Variants in RBFOX1 observed in about 807,000 individuals in gnomAD.
RBFOX1 encodes RNA binding protein fox-1 homolog 1.
A neutral mutation model predicts 57.7 loss-of-function variants in RBFOX1; 8 were observed. The observed-to-expected ratio is 0.14, with a 90% confidence interval of 0.08 to 0.25. The LOEUF (loss-of-function observed/expected upper bound fraction) is 0.25, where lower values mean the gene tolerates loss of function less well. Among genes scored for constraint, RBFOX1 ranks in the 10% least tolerant of loss-of-function variants. The probability of loss-of-function intolerance (pLI) is 1.00; values close to 1 mark genes in which losing one functional copy is unlikely to be tolerated. For synonymous variants in RBFOX1, 326 were observed against 222.4 expected, an observed-to-expected ratio of 1.47 and a Z score of -4.15; for missense variants, 611 against 548.5, an observed-to-expected ratio of 1.11 and a Z score of -1.14.
At chr16:6,903,186 A>G (rs984771859) in intron 3 of RBFOX1, among the ~76,000 whole-genome samples, 11 of 152,164 alleles carry the variant, frequency 7.2e-5, no homozygotes, top group African/African-American at 2.7e-4. Flanking sequence ...CAGGACAGCC[A>G]TATACAAAGA....
rs1172042430 is a variant in RBFOX1 at position 6,081,611 on chromosome 16, C to G, written c.-127+61619C>G. ...TTCTTAACCATTACAAAGAGCTTCC[C>G]GTGAGGTTGAACCTGGGGTTCCTAG... is the stretch of plus-strand genomic sequence containing the variant. On this transcript the variant is annotated intron_variant, in intron 1 of 15. Transcript: ENST00000550418. Among the ~76,000 whole-genome samples, 5 of 152,124 alleles carry G rather than the reference C, an allele frequency of 3.3e-5. No homozygotes were observed. The South Asian group carries it at 6.2e-4, about 19-fold the overall frequency.
chr16:6,892,785 T>C (rs1476357507), intron 3 of RBFOX1, among the ~76,000 whole-genome samples: 6 of 52,356 alleles, frequency 1.1e-4, no homozygotes, highest in African/African-American at 3.5e-4. Flanking sequence ...CCTCTCTCTC[T>C]CTCTCTCTCT....
chr16:7,242,881 T>C (rs916355555), intron 4 of RBFOX1, among the ~76,000 whole-genome samples: 35 of 152,068 alleles, frequency 2.3e-4, no homozygotes, highest in African/African-American at 6.5e-4. Flanking sequence ...CTGCGGACAG[T>C]TTGCAAGCAG....
intron 2 of RBFOX1, among the ~76,000 whole-genome samples, chr16:6,407,756 T>C (rs540754073): frequency 2.0e-5 from 3 of 152,196 alleles, no homozygotes; most frequent in Non-Finnish European, 4.4e-5. Context: ...AGTATAAATC[T>C]TATCCCAGCA....
At chr16:6,136,166 A>G (rs923386767) in intron 1 of RBFOX1, among the ~76,000 whole-genome samples, 2 of 152,082 alleles carry the variant, frequency 1.3e-5, no homozygotes, top group Admixed American at 6.6e-5. Flanking sequence ...GATAACACCT[A>G]TTAGAGGAAG....
At chr16:7,123,840 G>A (rs566425748) in intron 4 of RBFOX1, among the ~76,000 whole-genome samples, 13 of 152,216 alleles carry the variant, frequency 8.5e-5, no homozygotes, top group African/African-American at 2.6e-4. Context: ...GGTTTTGCAC[G>A]AGGGTGGGGC....
chr16:5,980,979 G>T (rs990969311), intron 4 of RBFOX1, among the ~76,000 whole-genome samples: 1 of 152,098 alleles, frequency 6.6e-6, no homozygotes, highest in African/African-American at 2.4e-5. Flanking sequence ...GTCAGAGTGC[G>T]ATCTGCAGAC....
chr16:6,992,274 C>G (rs1430454606), intron 3 of RBFOX1, among the ~76,000 whole-genome samples: 1 of 151,860 alleles, frequency 6.6e-6, no homozygotes, highest in Non-Finnish European at 1.5e-5. Context: ...AGGGATTTTC[C>G]TGGTGCAATC....
intron 3 of RBFOX1, among the ~76,000 whole-genome samples, chr16:7,017,430 G>A (rs1470813569): frequency 6.6e-6 from 1 of 152,072 alleles, no homozygotes; most frequent in African/African-American, 2.4e-5. Flanking sequence ...GATAAATCTT[G>A]GCCCCAAACC....
chr16:7,703,312 T>G (rs1009352029), intron 14 of RBFOX1, among the ~76,000 whole-genome samples: 2 of 152,208 alleles, frequency 1.3e-5, no homozygotes, highest in African/African-American at 2.4e-5. Context: ...AGCCCTTCTC[T>G]GTGTTGGGAG....
chr16:7,701,952 C>T (rs1373677983), intron 14 of RBFOX1, among the ~76,000 whole-genome samples: 1 of 152,164 alleles, frequency 6.6e-6, no homozygotes, highest in Non-Finnish European at 1.5e-5. Context: ...GCCTGAGGTT[C>T]TGGAAACCCT....
intron 13 of RBFOX1, among the ~76,000 whole-genome samples, chr16:7,665,573 C>G (rs1415955808): frequency 6.6e-6 from 1 of 152,034 alleles, no homozygotes; most frequent in African/African-American, 2.4e-5. Flanking sequence ...AATAGTAACA[C>G]TTTAAGTTTA....
chr16:6,756,907 G>A (rs1425246457), intron 3 of RBFOX1, among the ~76,000 whole-genome samples: 1 of 152,080 alleles, frequency 6.6e-6, no homozygotes, highest in Admixed American at 6.6e-5. Context: ...CCGAGGGGAT[G>A]GAGGTTGCAG....
intron 4 of RBFOX1, among the ~76,000 whole-genome samples, chr16:7,067,446 C>CTT (rs780323330): frequency 9.7e-4 from 138 of 141,746 alleles, no homozygotes; most frequent in African/African-American, 3.4e-3. Context: ...GGAGAGAATC[C>CTT]TTTTTTTTTT....
chr16:5,317,982 ATGC>A (rs1234601240), intron 1 of RBFOX1, among the ~76,000 whole-genome samples: 1 of 152,098 alleles, frequency 6.6e-6, no homozygotes, highest in East Asian at 1.9e-4. Context: ...CTGCCTCTAA[ATGC>A]TGCTGCTGAA....
chr16:7,135,920 TTG>T (rs2071807547), intron 4 of RBFOX1, among the ~76,000 whole-genome samples: 2 of 152,242 alleles, frequency 1.3e-5, no homozygotes, highest in African/African-American at 4.8e-5. Context: ...TTCATCTGCA[TTG>T]TCTTTGGAGT....
intron 2 of RBFOX1, among the ~76,000 whole-genome samples, chr16:5,585,338 G>C (rs762601773): frequency 2.0e-5 from 3 of 152,202 alleles, no homozygotes; most frequent in Non-Finnish European, 4.4e-5. Flanking sequence ...GAATGACTCA[G>C]TCCTTCTTTT....
chr16:7,309,388 A>G (rs1442147937), intron 4 of RBFOX1, among the ~76,000 whole-genome samples: 1 of 152,190 alleles, frequency 6.6e-6, no homozygotes, highest in African/African-American at 2.4e-5. Context: ...ACTTAATCCA[A>G]CAATCACTTC....
intron 2 of RBFOX1, among the ~76,000 whole-genome samples, chr16:6,641,338 C>A (rs991796985): frequency 6.6e-6 from 1 of 152,162 alleles, no homozygotes; most frequent in Non-Finnish European, 1.5e-5. Context: ...TTCACTCCCT[C>A]CCAACGCTGA....
Sources: allele counts gnomAD v4.1 joint callset (sites outside exome capture counted in the v4.1 genomes callset), GRCh38; gene constraint gnomAD v4.1.1; transcripts MANE v1.5; gene names NCBI Gene and HGNC (gene_info 2026-07-23, HGNC 2026-07-21).